The following SNTB1 variants were observed in gnomAD, a reference collection of about 807,000 sequenced individuals.
SNTB1 encodes syntrophin beta 1, also known as beta-1-syntrophin.
SNTB1 carries 36 observed loss-of-function variants against 48.9 expected under a neutral mutation model. That is an observed-to-expected ratio of 0.74 (90% CI 0.56 to 0.97). The LOEUF is 0.97. SNTB1 is among the 50% of genes least tolerant of loss of function. The probability of loss-of-function intolerance (pLI) is 0.00; values close to 1 mark genes in which losing one functional copy is unlikely to be tolerated. For synonymous variants in SNTB1, 299 were observed against 294.6 expected (o/e 1.01, Z -0.15); for missense variants, 786 against 703.4 (o/e 1.12, Z -1.33).
chr8:120,613,957 T>C (rs1241694584), intron 3 of SNTB1, among the ~76,000 whole-genome samples: 1 of 152,206 alleles, frequency 6.6e-6, no homozygotes, highest in Non-Finnish European at 1.5e-5. Flanking sequence ...CTAAAGTTTA[T>C]GCAGTGCTTT....
At chr8:120,649,397 C>T (rs1186341676) in intron 2 of SNTB1, among the ~76,000 whole-genome samples, 19 of 134,462 alleles carry the variant, frequency 1.4e-4, no homozygotes, top group Non-Finnish European at 2.2e-4. Flanking sequence ...ACAGGACCCT[C>T]AGCTGCAGGT....
chr8:120,788,210 C>A (rs1563602614), intron 1 of SNTB1, among the ~76,000 whole-genome samples: 1 of 152,058 alleles, frequency 6.6e-6, no homozygotes, highest in South Asian at 2.1e-4. Flanking sequence ...ACCAGCCCTA[C>A]AAGAAATACT....
intron 1 of SNTB1, among the ~76,000 whole-genome samples, chr8:120,791,209 G>A (rs907404357): frequency 1.5e-4 from 23 of 151,584 alleles, no homozygotes; most frequent in Non-Finnish European, 2.7e-4. Flanking sequence ...TTGGGGAAAG[G>A]AGGCAATAAA....
At chr8:120,548,061 C>G (rs1815413110) in intron 5 of SNTB1, among the ~76,000 whole-genome samples, 1 of 152,124 alleles carries the variant, frequency 6.6e-6, no homozygotes, top group South Asian at 2.1e-4. Flanking sequence ...TTCCCTCCTC[C>G]TTTCAGTAAT....
At chr8:120,693,975 GT>G (rs924532515) in intron 1 of SNTB1, 67 bp from the exon 2 acceptor site, 38 of 1,249,358 alleles carry the variant, frequency 3.0e-5, no homozygotes, top group Admixed American at 2.9e-4. Context: ...GTCTGATTGT[GT>G]TTCTGAAATA....
At chr8:120,792,607 T>C (rs573689215) in intron 1 of SNTB1, among the ~76,000 whole-genome samples, 1 of 152,080 alleles carries the variant, frequency 6.6e-6, no homozygotes, top group Admixed American at 6.6e-5. Context: ...TGGCAAGTCC[T>C]ATATTTTACA....
intron 1 of SNTB1, among the ~76,000 whole-genome samples, chr8:120,759,121 A>T (rs910044176): frequency 6.6e-6 from 1 of 152,134 alleles, no homozygotes; most frequent in Non-Finnish European, 1.5e-5. Context: ...AGCTGTTGTT[A>T]ATAACAACAA....
chr8:120,677,562 A>G (rs1012517007), intron 2 of SNTB1, among the ~76,000 whole-genome samples: 17 of 152,106 alleles, frequency 1.1e-4, no homozygotes, highest in Admixed American at 5.2e-4. Context: ...AATTCTTAAC[A>G]CATCTTCATG....
intron 2 of SNTB1, among the ~76,000 whole-genome samples, chr8:120,688,892 C>T (rs4242317): frequency 0.21 from 31,673 of 151,604 alleles, 3,517 homozygotes; most frequent in Admixed American, 0.29. Context: ...GTAGAGTAGA[C>T]GGTGGGAAAT....
intron 1 of SNTB1, among the ~76,000 whole-genome samples, chr8:120,730,476 C>T (rs568139705): frequency 6.6e-6 from 1 of 152,294 alleles, no homozygotes; most frequent in South Asian, 2.1e-4. Context: ...GTATGAGCCA[C>T]TGTGCCAGGC....
At chr8:120,748,946 C>T (rs1819168396) in intron 1 of SNTB1, among the ~76,000 whole-genome samples, 1 of 152,116 alleles carries the variant, frequency 6.6e-6, no homozygotes, top group Non-Finnish European at 1.5e-5. Flanking sequence ...ATACTACCAA[C>T]CTTGTAGTGA....
At chr8:120,545,116 G>C (rs1035866195) in intron 5 of SNTB1, among the ~76,000 whole-genome samples, 2 of 152,094 alleles carry the variant, frequency 1.3e-5, no homozygotes, top group Non-Finnish European at 2.9e-5. Flanking sequence ...GGCCGAGGTG[G>C]GTGGATCACT....
chr8:120,575,601 G>T (rs1003859252), intron 3 of SNTB1, among the ~76,000 whole-genome samples: 2 of 152,226 alleles, frequency 1.3e-5, no homozygotes, highest in Non-Finnish European at 2.9e-5. Flanking sequence ...AAATGGTAAG[G>T]TCTAAAAAGT....
At chr8:120,546,013 G>A (rs916004189) in intron 5 of SNTB1, among the ~76,000 whole-genome samples, 5 of 152,172 alleles carry the variant, frequency 3.3e-5, no homozygotes, top group African/African-American at 1.2e-4. Flanking sequence ...GAAAGAAATA[G>A]AACTGGAATT....
intron 1 of SNTB1, among the ~76,000 whole-genome samples, chr8:120,720,196 C>A (rs1205988432): frequency 6.6e-6 from 1 of 152,218 alleles, no homozygotes; most frequent in Non-Finnish European, 1.5e-5. Flanking sequence ...GCAGCCCAAT[C>A]CTGAGCATAT....
chr8:120,714,734 T>C (rs1238283712), intron 1 of SNTB1, among the ~76,000 whole-genome samples: 1 of 152,124 alleles, frequency 6.6e-6, no homozygotes, highest in Non-Finnish European at 1.5e-5. Flanking sequence ...AATATCAAGA[T>C]ATAGAAAGTT....
Position 120,538,604 on chromosome 8 carries a change from C to A in SNTB1, c.*273G>T. Reference sequence around the variant, plus strand: ...GTCCTTGGTTGTCATTATTTCAAAGCTATGCTGTGTATTTCCCGTCACCTC... The same window carrying A: ...GTCCTTGGTTGTCATTATTTCAAAGATATGCTGTGTATTTCCCGTCACCTC... On this transcript the variant is annotated 3_prime_UTR_variant, in exon 7 of 7. Coordinates refer to ENST00000517992, the MANE Select transcript of SNTB1 (RefSeq NM_021021.4). 2 of 522,232 alleles carry A rather than the reference C, an allele frequency of 3.8e-6. No homozygotes were observed. Among genetic ancestry groups the A allele is most frequent in the Non-Finnish European group, 7.4e-6 (2 of 268,932 alleles). The allele number at this position is 522,232 out of a possible 1,614,324, so 32.3% of individuals were successfully genotyped here.
At chr8:120,752,289 A>G (rs1479106310) in intron 1 of SNTB1, among the ~76,000 whole-genome samples, 2 of 152,118 alleles carry the variant, frequency 1.3e-5, no homozygotes, top group Non-Finnish European at 2.9e-5. Flanking sequence ...TGCATATATC[A>G]TATATATTGT....
Position 120,541,921 on chromosome 8 carries a change from C to T in SNTB1, c.1413G>A (p.Glu471=). The change falls in exon 6 of 7, where the codon GAG becomes GAA. Residue 471 remains glutamate (E), a synonymous_variant. Coordinates refer to ENST00000517992, the MANE Select transcript of SNTB1 (RefSeq NM_021021.4). ...NGFSITTEPQ[E]GAFPKTIIQS... is the part of the protein sequence containing the mutation. ...GTATGATGGTCTTGGGAAAGGCACC[C>T]TCCTGTGGTTCAGTGGTAATAGAAA... 1 of 1,613,966 alleles carries T rather than the reference C, an allele frequency of 6.2e-7. No individual in the cohort carries two copies. Among genetic ancestry groups the T allele is most frequent in the Non-Finnish European group, 8.5e-7 (1 of 1,179,916 alleles).
Sources: allele counts gnomAD v4.1 joint callset (sites outside exome capture counted in the v4.1 genomes callset), GRCh38; gene constraint gnomAD v4.1.1; transcripts MANE v1.5; gene names NCBI Gene and HGNC (gene_info 2026-07-23, HGNC 2026-07-21).